SPTLC1: variants seen among roughly 807,000 people sequenced by gnomAD.
The protein encoded by SPTLC1 is serine palmitoyltransferase long chain base subunit 1.
SPTLC1 carries 55 observed loss-of-function variants against 68.9 expected under a neutral mutation model. The observed-to-expected ratio is 0.80, with a 90% CI of 0.64 to 1.00. The LOEUF (loss-of-function observed/expected upper bound fraction) is 1.00, where lower values mean the gene tolerates loss of function less well. SPTLC1 is among the 50% of genes least tolerant of loss of function. The pLI is 0.00. For missense variants in SPTLC1, 449 were observed against 573.1 expected, an observed-to-expected ratio of 0.78 and a Z score of 2.21; for synonymous variants, 197 against 201.6, an observed-to-expected ratio of 0.98 and a Z score of 0.19.
At chr9:92,098,885 G>GGATA (rs111719447) in intron 3 of SPTLC1, among the ~76,000 whole-genome samples, 16,512 of 152,042 alleles carry the variant, frequency 0.11, 1,916 homozygotes, top group African/African-American at 0.3. Flanking sequence ...GAGTGGAGCA[G>GGATA]GAGAAAGAAC....
intron 3 of SPTLC1, chr9:92,105,150 C>T: frequency 6.5e-7 from 1 of 1,533,966 alleles, no homozygotes; most frequent in East Asian, 2.4e-5. Context: ...CCACCCAGAG[C>T]TGCCGGCCAC....
chr9:92,032,046 T>C lies in SPTLC1; in HGVS notation c.*419A>G. 1 of 456,926 alleles carries C rather than the reference T, an allele frequency of 2.2e-6. No individual in the cohort carries two copies. The highest frequency in any genetic ancestry group is 4.6e-5 in the South Asian group (1 of 21,976). 28.3% of individuals were successfully genotyped at this position (456,926 alleles called of 1,614,324 possible). ...TGAAGTGTTCCTCTTAGCTTTAATG[T>C]TGCAGTCATTTTTCTATGAAATACT... On this transcript the variant is annotated 3_prime_UTR_variant, in exon 15 of 15. Transcript: ENST00000262554.
At chr9:92,105,319 A>T in intron 3 of SPTLC1, 2 of 1,529,108 alleles carry the variant, frequency 1.3e-6, no homozygotes, top group Non-Finnish European at 1.8e-6. Context: ...AAAGAGAAGG[A>T]CGCCTCCAGC....
intron 6 of SPTLC1, among the ~76,000 whole-genome samples, chr9:92,062,346 A>C (rs1834136538): frequency 6.6e-6 from 1 of 152,166 alleles, no homozygotes; most frequent in Non-Finnish European, 1.5e-5. Flanking sequence ...CTAAACAAAA[A>C]AGCTAAATTT....
intron 5 of SPTLC1, 47 bp downstream of exon 5, chr9:92,079,969 T>C (rs1033441877): frequency 1.3e-6 from 2 of 1,509,740 alleles, no homozygotes; most frequent in East Asian, 4.5e-5. Context: ...AATTGAATCT[T>C]AACTATTGAA....
At chr9:92,060,356 T>A (rs1834045728) in intron 6 of SPTLC1, among the ~76,000 whole-genome samples, 1 of 152,092 alleles carries the variant, frequency 6.6e-6, no homozygotes, top group Non-Finnish European at 1.5e-5. Context: ...AATAGTGAGA[T>A]GACAGAGATA....
chr9:92,077,761 T>C (rs1279605026), intron 5 of SPTLC1, among the ~76,000 whole-genome samples: 1 of 152,208 alleles, frequency 6.6e-6, no homozygotes, highest in Admixed American at 6.5e-5. Flanking sequence ...GTAGCTGATA[T>C]CTCGTGGTGT....
At chr9:92,085,434 A>G (rs2118711216) in intron 3 of SPTLC1, among the ~76,000 whole-genome samples, 1 of 152,152 alleles carries the variant, frequency 6.6e-6, no homozygotes, top group Non-Finnish European at 1.5e-5. Context: ...AGATCCTGGT[A>G]TGTAGTGTCT....
intron 5 of SPTLC1, among the ~76,000 whole-genome samples, chr9:92,077,718 T>C (rs113537560): frequency 7.9e-5 from 12 of 152,356 alleles, no homozygotes; most frequent in African/African-American, 2.9e-4. Context: ...CTTTTGTCTA[T>C]ACTACCAGTT....
intron 3 of SPTLC1, among the ~76,000 whole-genome samples, chr9:92,088,668 C>T (rs1308969745): frequency 6.6e-6 from 1 of 152,134 alleles, no homozygotes; most frequent in Non-Finnish European, 1.5e-5. Context: ...TGATTAAGAA[C>T]AAGTATATCC....
chr9:92,037,407 C>A (rs1041476733), intron 13 of SPTLC1, among the ~76,000 whole-genome samples: 17 of 152,196 alleles, frequency 1.1e-4, no homozygotes, highest in Admixed American at 9.8e-4. Context: ...CTCAAAGGAG[C>A]AGCAGCAGCC....
intron 3 of SPTLC1, among the ~76,000 whole-genome samples, chr9:92,082,933 T>A (rs544765257): frequency 3.3e-5 from 5 of 152,358 alleles, no homozygotes; most frequent in Admixed American, 3.3e-4. Context: ...ACTGCCATTC[T>A]AACTGGTGTG....
intron 6 of SPTLC1, among the ~76,000 whole-genome samples, chr9:92,064,538 G>C (rs1834216234): frequency 6.6e-6 from 1 of 152,144 alleles, no homozygotes. Context: ...AGACACTTTG[G>C]AAAATAGTTT....
intron 3 of SPTLC1, among the ~76,000 whole-genome samples, chr9:92,084,410 C>G (rs1279847800): frequency 6.6e-6 from 1 of 152,180 alleles, no homozygotes; most frequent in Non-Finnish European, 1.5e-5. Flanking sequence ...TTTTGAGATA[C>G]GTCCCATCAA....
At chr9:92,105,341 C>T (rs774729916) in intron 3 of SPTLC1, 11 of 1,517,342 alleles carry the variant, frequency 7.2e-6, no homozygotes, top group South Asian at 3.6e-5. Context: ...GGGCAACATG[C>T]GTAAGAACAT....
intron 3 of SPTLC1, 78 bp downstream of exon 3, chr9:92,108,662 C>T (rs530625555): frequency 3.2e-6 from 5 of 1,581,092 alleles, no homozygotes; most frequent in Non-Finnish European, 3.5e-6. Context: ...AAAAGGACTA[C>T]TACATATAAA....
rs1165165328 is a variant in SPTLC1 at position 92,035,955 on chromosome 9, T to A, written c.1255-1072A>T. Among the ~76,000 whole-genome samples, 3 of 152,334 alleles carry A rather than the reference T, an allele frequency of 2.0e-5. No individual in the cohort carries two copies. The East Asian group carries it at 5.8e-4, about 29-fold the overall frequency. On this transcript the variant is annotated intron_variant, in intron 13 of 14. Transcript: ENST00000262554. ...AATAGCTCAGTTTGTAAAAACAGTG[T>A]CCTGTTGAGCAACTCAACATAAACT...
chr9:92,056,907 T>C (rs1055352617), intron 7 of SPTLC1, among the ~76,000 whole-genome samples: 6 of 152,220 alleles, frequency 3.9e-5, no homozygotes, highest in Admixed American at 1.3e-4. Context: ...TTAGAAGTGA[T>C]GGATGAAGAG....
intron 5 of SPTLC1, among the ~76,000 whole-genome samples, chr9:92,069,378 G>A (rs1834403513): frequency 6.6e-6 from 1 of 152,072 alleles, no homozygotes; most frequent in African/African-American, 2.4e-5. Context: ...TTACCAATTG[G>A]TTATAGTTAT....
Sources: gnomAD v4.1 joint callset for allele counts (sites outside exome capture counted in the v4.1 genomes callset) on GRCh38, gnomAD v4.1.1 for gene constraint, MANE v1.5 for transcripts, NCBI Gene and HGNC (gene_info 2026-07-23, HGNC 2026-07-21) for gene names.